SOX6: variants seen among roughly 807,000 people sequenced by gnomAD.
SOX6 encodes the protein transcription factor SOX-6.
SOX6 carries 11 observed loss-of-function variants against 97.8 expected under a neutral mutation model. That is an observed-to-expected ratio of 0.11 (90% CI 0.07 to 0.19). SOX6 has a LOEUF of 0.19. SOX6 is among the 10% of genes least tolerant of loss of function. The pLI is 1.00. For synonymous variants in SOX6, 360 were observed against 371.4 expected (o/e 0.97, Z 0.35); for missense variants, 810 against 1,039.5 (o/e 0.78, Z 3.04).
intron 3 of SOX6, among the ~76,000 whole-genome samples, chr11:16,626,458 C>G (rs1184784020): frequency 3.3e-5 from 5 of 152,204 alleles, no homozygotes; most frequent in Non-Finnish European, 5.9e-5. Context: ...TAACATTACA[C>G]TAAGTCTTGA....
intron 1 of SOX6, among the ~76,000 whole-genome samples, chr11:16,354,501 T>C (rs560244773): frequency 6.6e-6 from 1 of 152,072 alleles, no homozygotes; most frequent in East Asian, 1.9e-4. Context: ...TTGTTACTGT[T>C]TCTCAAAAGG....
intron 7 of SOX6, among the ~76,000 whole-genome samples, chr11:16,107,001 T>C (rs1849104190): frequency 6.6e-6 from 1 of 151,954 alleles, no homozygotes; most frequent in Admixed American, 6.6e-5. Context: ...GCATCATAAA[T>C]CATTAAGGAA....
intron 13 of SOX6, among the ~76,000 whole-genome samples, chr11:15,999,118 T>C (rs1369986936): frequency 6.6e-6 from 1 of 152,088 alleles, no homozygotes; most frequent in Non-Finnish European, 1.5e-5. Context: ...CAAAAAAGGA[T>C]ATAGTTATGG....
At chr11:16,633,870 C>G (rs1043634529) in intron 3 of SOX6, among the ~76,000 whole-genome samples, 4 of 152,196 alleles carry the variant, frequency 2.6e-5, no homozygotes, top group Admixed American at 1.3e-4. Flanking sequence ...TAAATCTAAC[C>G]AAGCTAATTG....
intron 1 of SOX6, among the ~76,000 whole-genome samples, 99 bp downstream of exon 1, chr11:16,355,995 C>G (rs1474273190): frequency 6.6e-6 from 1 of 152,002 alleles, no homozygotes; most frequent in African/African-American, 2.4e-5. Context: ...AACAAGCCAT[C>G]ATCCCACCCA....
intron 6 of SOX6, among the ~76,000 whole-genome samples, chr11:16,143,351 G>C (rs1228108262): frequency 1.3e-5 from 2 of 152,094 alleles, no homozygotes; most frequent in East Asian, 3.9e-4. Flanking sequence ...CCTGAAGGAA[G>C]CACTAAACAT....
At chr11:16,521,681 G>T (rs546918618) in intron 4 of SOX6, among the ~76,000 whole-genome samples, 2 of 152,150 alleles carry the variant, frequency 1.3e-5, no homozygotes, top group African/African-American at 4.8e-5. Flanking sequence ...AAACTACTCC[G>T]AGCTACAGGA....
chr11:16,544,025 A>T (rs1226863196), intron 4 of SOX6, among the ~76,000 whole-genome samples: 2 of 152,206 alleles, frequency 1.3e-5, no homozygotes, highest in Non-Finnish European at 2.9e-5. Flanking sequence ...TACACAATGA[A>T]ATAGTATTCG....
chr11:16,615,222 A>C (rs1210950465), intron 3 of SOX6, among the ~76,000 whole-genome samples: 1 of 152,216 alleles, frequency 6.6e-6, no homozygotes, highest in African/African-American at 2.4e-5. Context: ...GAAAACCTTA[A>C]GTATGTAATA....
At chr11:16,438,208 CAT>C (rs554002667) in intron 1 of SOX6, among the ~76,000 whole-genome samples, 39 of 151,968 alleles carry the variant, frequency 2.6e-4, no homozygotes, top group Non-Finnish European at 4.1e-4. Context: ...TAAAATTTAA[CAT>C]ATGTGTCAAT....
At chr11:16,525,488 G>A (rs994336315) in intron 4 of SOX6, among the ~76,000 whole-genome samples, 1 of 151,822 alleles carries the variant, frequency 6.6e-6, no homozygotes, top group Non-Finnish European at 1.5e-5. Context: ...AATTCAAGAT[G>A]GATTAAAGAC....
At chr11:16,536,656 G>T (rs1036272910) in intron 4 of SOX6, among the ~76,000 whole-genome samples, 1 of 152,262 alleles carries the variant, frequency 6.6e-6, no homozygotes, top group African/African-American at 2.4e-5. Context: ...TCCCTCCCAT[G>T]TGTGGCTCGG....
intron 1 of SOX6, among the ~76,000 whole-genome samples, chr11:16,410,227 A>G (rs1858776483): frequency 6.6e-6 from 1 of 152,330 alleles, no homozygotes; most frequent in South Asian, 2.1e-4. Flanking sequence ...AAATTTTAAA[A>G]GTTTCTAAAT....
intron 2 of SOX6, among the ~76,000 whole-genome samples, chr11:16,724,815 TGA>T (rs1395448900): frequency 1.3e-5 from 2 of 152,214 alleles, no homozygotes; most frequent in African/African-American, 4.8e-5. Flanking sequence ...GTTTCAACAC[TGA>T]AGGTAACTTC....
At chr11:15,986,090 T>C in intron 15 of SOX6, 114 bp downstream of exon 15, 4 of 990,806 alleles carry the variant, frequency 4.0e-6, no homozygotes. Context: ...GCCCCTTCAG[T>C]ATGCCACAAC....
chr11:16,056,047 G>T, intron 9 of SOX6, 146 bp from the exon 10 acceptor site: 1 of 940,218 alleles, frequency 1.1e-6, no homozygotes, highest in Non-Finnish European at 1.6e-6. Flanking sequence ...CTAAGAGAAG[G>T]CAAATAATAA....
rs1326533884 is a variant in SOX6, at chr11:15,998,690, T to G, written c.1733-9460A>C. Among the ~76,000 whole-genome samples the G allele has an allele frequency of 3.9e-5, 6 of 152,024 alleles. No individual in the cohort carries two copies. The East Asian group carries it at 1.2e-3, about 29-fold the overall frequency. ...AGGCTGTTAAAGTGGAAAACGATAGTTTTTTCAACAAATACCGCCAGAACA... is the reference window on the plus strand; with the variant it reads ...AGGCTGTTAAAGTGGAAAACGATAGGTTTTTCAACAAATACCGCCAGAACA... On this transcript the variant is annotated intron_variant, in intron 13 of 15. Coordinates refer to ENST00000683767, the MANE Select transcript of SOX6 (RefSeq NM_001367873.1).
intron 3 of SOX6, among the ~76,000 whole-genome samples, chr11:16,286,449 A>G (rs1411165231): frequency 2.0e-5 from 3 of 152,174 alleles, no homozygotes; most frequent in African/African-American, 4.8e-5. Flanking sequence ...TTACTAATAT[A>G]TAACTAAGAG....
chr11:16,704,676 T>C (rs544055123), intron 3 of SOX6, among the ~76,000 whole-genome samples: 8 of 152,302 alleles, frequency 5.3e-5, no homozygotes, highest in African/African-American at 1.9e-4. Context: ...TATGTACCTA[T>C]AGAATGTCCA....
Sources: gnomAD v4.1 joint callset for allele counts (sites outside exome capture counted in the v4.1 genomes callset) on GRCh38, gnomAD v4.1.1 for gene constraint, MANE v1.5 for transcripts, NCBI Gene and HGNC (gene_info 2026-07-23, HGNC 2026-07-21) for gene names.